Variants in SLC17A8 observed in about 807,000 individuals in gnomAD.
SLC17A8 encodes the protein vesicular glutamate transporter 3.
Under a neutral mutation model 58.0 loss-of-function variants are expected in SLC17A8, and 31 were observed. The ratio of observed to expected loss-of-function variants is 0.53; its 90% confidence interval spans 0.40 to 0.72. The LOEUF (loss-of-function observed/expected upper bound fraction) is 0.72, where lower values mean the gene tolerates loss of function less well. Among genes scored for constraint, SLC17A8 ranks in the 30% least tolerant of loss-of-function variants. The pLI is 0.00. For missense variants in SLC17A8, 655 were observed against 727.8 expected, an observed-to-expected ratio of 0.90 and a Z score of 1.15; for synonymous variants, 228 against 249.0, an observed-to-expected ratio of 0.92 and a Z score of 0.79.
intron 10 of SLC17A8, among the ~76,000 whole-genome samples, chr12:100,414,805 C>G (rs1169386504): frequency 3.9e-5 from 6 of 152,220 alleles, no homozygotes; most frequent in Admixed American, 6.5e-5. Context: ...CAGTGCCTCT[C>G]AAAGTGTTAT....
intron 1 of SLC17A8, among the ~76,000 whole-genome samples, chr12:100,380,063 G>A (rs1952622699): frequency 6.6e-6 from 1 of 152,020 alleles, no homozygotes; most frequent in Non-Finnish European, 1.5e-5. Context: ...GCCTGGCATG[G>A]TGGTGCAGAC....
rs149971292 is a variant in SLC17A8, at chr12:100,419,920, G to C, written c.1531G>C (p.Asp511His). The change falls in exon 12 of 12, where the codon GAC (aspartate) becomes CAC (histidine). Residue 511 changes from aspartate (D) to histidine (H), a missense_variant. Coordinates refer to ENST00000323346, the MANE Select transcript of SLC17A8 (RefSeq NM_139319.3). Reference sequence around the variant, plus strand: ...TTCTGGGGAGAAACAGGAGTGGGCTGACCCAGAGAATCTCTCTGAGGAGAA... The same window carrying C: ...TTCTGGGGAGAAACAGGAGTGGGCTCACCCAGAGAATCTCTCTGAGGAGAA... ...FASGEKQEWADPENLSEEKCG... is the reference protein window; with the variant it reads ...FASGEKQEWAHPENLSEEKCG... 3.7e-6 allele frequency: 6 copies of C among 1,613,940 alleles called. No individual in the cohort carries two copies. In the African/African-American group the frequency reaches 4.0e-5, roughly 11 times the overall value.
At chr12:100,361,730 G>A (rs759428206) in intron 1 of SLC17A8, among the ~76,000 whole-genome samples, 5 of 152,184 alleles carry the variant, frequency 3.3e-5, no homozygotes, top group African/African-American at 7.2e-5. Flanking sequence ...GGGAGTCCGA[G>A]GCAGGCAGAT....
chr12:100,397,214 G>A (rs1952760033), intron 5 of SLC17A8, among the ~76,000 whole-genome samples: 1 of 152,092 alleles, frequency 6.6e-6, no homozygotes, highest in African/African-American at 2.4e-5. Flanking sequence ...GTGGAAAGAT[G>A]GGATCATCAA....
intron 6 of SLC17A8, 49 bp from the exon 7 acceptor site, chr12:100,402,291 C>A (rs7970087): frequency 4.4e-6 from 7 of 1,604,384 alleles, no homozygotes; most frequent in Middle Eastern, 1.7e-4. Flanking sequence ...AATTTAGAAA[C>A]GGAAGAAAAT....
rs771049638 is a variant in SLC17A8, at chr12:100,418,111, T to C, written c.1380T>C (p.Ser460=). 1 of 1,614,172 alleles carries C rather than the reference T, an allele frequency of 6.2e-7. No homozygotes were observed. The highest frequency in any genetic ancestry group is 8.5e-7 in the Non-Finnish European group (1 of 1,180,016). ...MGISNGVGTL[S]GMVCPLIVGA... is the part of the protein sequence containing the mutation. ...TCTCAAACGGAGTGGGAACCCTCTCTGGAATGGTCTGTCCCCTCATTGTCG... is the reference window on the plus strand; with the variant it reads ...TCTCAAACGGAGTGGGAACCCTCTCCGGAATGGTCTGTCCCCTCATTGTCG... The change falls in exon 11 of 12, where the codon TCT becomes TCC. Residue 460 remains serine, a synonymous_variant. Coordinates refer to ENST00000323346, the MANE Select transcript of SLC17A8 (RefSeq NM_139319.3).
At chr12:100,387,912 C>T (rs1010999522) in intron 2 of SLC17A8, among the ~76,000 whole-genome samples, 1 of 152,186 alleles carries the variant, frequency 6.6e-6, no homozygotes, top group Admixed American at 6.5e-5. Flanking sequence ...TCATATTCCA[C>T]CTCTGCTCAA....
intron 1 of SLC17A8, among the ~76,000 whole-genome samples, chr12:100,380,051 T>C (rs1264605783): frequency 6.6e-6 from 1 of 151,818 alleles, no homozygotes; most frequent in Non-Finnish European, 1.5e-5. Flanking sequence ...ATACAAAAAT[T>C]AGCCTGGCAT....
intron 3 of SLC17A8, among the ~76,000 whole-genome samples, chr12:100,392,903 CAGGCA>C (rs1952726661): frequency 2.0e-5 from 3 of 152,140 alleles, no homozygotes; most frequent in Non-Finnish European, 4.4e-5. Flanking sequence ...GGTGGGGAAC[CAGGCA>C]GGATGGTAGG....
At chr12:100,401,942 C>T in intron 6 of SLC17A8, 79 bp downstream of exon 6, 2 of 1,084,202 alleles carry the variant, frequency 1.8e-6, no homozygotes, top group African/African-American at 1.5e-5. Context: ...GCTCAGAGTT[C>T]ATTACATCAA....
intron 1 of SLC17A8, among the ~76,000 whole-genome samples, chr12:100,377,948 G>A (rs1221726970): frequency 1.3e-5 from 2 of 152,174 alleles, no homozygotes; most frequent in African/African-American, 4.8e-5. Context: ...TACTTATGAT[G>A]AGAATAACTT....
chr12:100,375,132 G>A (rs957737700), intron 1 of SLC17A8, among the ~76,000 whole-genome samples: 6 of 148,886 alleles, frequency 4.0e-5, no homozygotes, highest in Non-Finnish European at 8.9e-5. Context: ...GACAGGACTC[G>A]GCACATACGA....
At chr12:100,391,384 C>G (rs370647740) in intron 3 of SLC17A8, among the ~76,000 whole-genome samples, 8 of 136,546 alleles carry the variant, frequency 5.9e-5, no homozygotes, top group African/African-American at 1.6e-4. Context: ...CCACCCCCTC[C>G]CCCACCCCAC....
intron 1 of SLC17A8, among the ~76,000 whole-genome samples, chr12:100,358,195 C>T (rs1316869707): frequency 6.6e-6 from 1 of 152,120 alleles, no homozygotes; most frequent in African/African-American, 2.4e-5. Context: ...TTTTTATAGA[C>T]ATAGTAAATG....
At chr12:100,383,398 A>G (rs559502529) in intron 2 of SLC17A8, among the ~76,000 whole-genome samples, 2 of 152,044 alleles carry the variant, frequency 1.3e-5, no homozygotes, top group Non-Finnish European at 2.9e-5. Context: ...AGTATCAGTA[A>G]CTCTAGTACA....
chr12:100,387,855 G>A (rs1326091854), intron 2 of SLC17A8, among the ~76,000 whole-genome samples: 2 of 152,178 alleles, frequency 1.3e-5, no homozygotes, highest in South Asian at 2.1e-4. Context: ...ACCTCTAGGT[G>A]TTTTAAAGAT....
rs11568542 is a variant in SLC17A8 at position 100,401,811 on chromosome 12, G to A, written c.711G>A (p.Leu237=). ...CAGGGGCAGTGGTTGCCATGCCCCT[G>A]GCTGGGGTGTTGGTGCAGTACATTG... ...SYAGAVVAMP[L]AGVLVQYIGW... The change falls in exon 6 of 12, where the codon CTG becomes CTA. Residue 237 remains leucine (L), a synonymous_variant. Transcript: ENST00000323346. 4,662 of 1,614,036 alleles carry A rather than the reference G, an allele frequency of 2.9e-3. 117 individuals are homozygous for A. The African/African-American group carries it at 0.053, about 18-fold the overall frequency.
At chr12:100,418,980 C>A (rs906341278) in intron 11 of SLC17A8, among the ~76,000 whole-genome samples, 2 of 152,176 alleles carry the variant, frequency 1.3e-5, no homozygotes, top group Non-Finnish European at 2.9e-5. Context: ...TCCAAGATAT[C>A]TTCCCCCAAC....
At chr12:100,377,278 T>C (rs933653280) in intron 1 of SLC17A8, among the ~76,000 whole-genome samples, 12 of 152,178 alleles carry the variant, frequency 7.9e-5, no homozygotes, top group Non-Finnish European at 1.6e-4. Context: ...ACGGTGAGGA[T>C]TAACGTAATA....
Sources: allele counts gnomAD v4.1 joint callset (sites outside exome capture counted in the v4.1 genomes callset), GRCh38; gene constraint gnomAD v4.1.1; transcripts MANE v1.5; gene names NCBI Gene and HGNC (gene_info 2026-07-23, HGNC 2026-07-21).